GABRG2: variants seen among roughly 807,000 people sequenced by gnomAD.
GABRG2 encodes gamma-aminobutyric acid type A receptor subunit gamma2.
Under a neutral mutation model 56.4 loss-of-function variants are expected in GABRG2, and 16 were observed. That is an observed-to-expected ratio of 0.28 (90% CI 0.19 to 0.43). The LOEUF is 0.43. GABRG2 is among the 20% of genes least tolerant of loss of function. GABRG2 has a pLI of 1.00. For synonymous variants in GABRG2, 208 were observed against 205.5 expected (o/e 1.01, Z -0.10); for missense variants, 327 against 582.7 (o/e 0.56, Z 4.52).
At chr5:162,088,690 G>T (rs952853710) in intron 1 of GABRG2, among the ~76,000 whole-genome samples, 1 of 152,002 alleles carries the variant, frequency 6.6e-6, no homozygotes, top group African/African-American at 2.4e-5. Context: ...TAGATTCTTT[G>T]GTCCTAATTT....
At position 162,125,918 on chromosome 5, in the gene GABRG2, C is replaced by T. The variant is rs1167744771; in HGVS notation, c.770-16246C>T. Among the ~76,000 whole-genome samples, 3 of 151,740 alleles carry T rather than the reference C, an allele frequency of 2.0e-5. No individual in the cohort carries two copies. In the East Asian group the frequency reaches 5.8e-4, roughly 29 times the overall value. ...TGGAAACAAATAAGAGATGTTGTTC[C>T]ATAGTAAGATTCATGAAATAGATAT... On this transcript the variant is annotated intron_variant, in intron 6 of 9. Transcript: ENST00000639213.
intron 1 of GABRG2, among the ~76,000 whole-genome samples, chr5:162,087,923 CA>C (rs559697166): frequency 2.0e-5 from 3 of 151,842 alleles, no homozygotes; most frequent in Non-Finnish European, 4.4e-5. Context: ...AGCCTAATAT[CA>C]AAAAAAATTA....
intron 1 of GABRG2, among the ~76,000 whole-genome samples, chr5:162,090,206 C>G (rs1760448963): frequency 6.6e-6 from 1 of 151,884 alleles, no homozygotes; most frequent in Non-Finnish European, 1.5e-5. Context: ...AGATCTAAAG[C>G]AGGAACGTGA....
chr5:162,151,138 G>A (rs370077308), intron 8 of GABRG2: 1 of 152,964 alleles, frequency 6.5e-6, no homozygotes, highest in African/African-American at 2.4e-5. Context: ...AGTAGATTTT[G>A]TTGCAAAGAT....
At chr5:162,099,539 G>A (rs1460117333) in intron 4 of GABRG2, 1 of 152,150 alleles carries the variant, frequency 6.6e-6, no homozygotes, top group Non-Finnish European at 1.5e-5. Flanking sequence ...CAAAGTCTGG[G>A]GATTATAGGC....
chr5:162,124,936 C>T (rs900230451), intron 6 of GABRG2, among the ~76,000 whole-genome samples: 5 of 147,796 alleles, frequency 3.4e-5, no homozygotes, highest in Non-Finnish European at 7.5e-5. Flanking sequence ...GCAGTTTTTG[C>T]TGTTCTTTCT....
At chr5:162,097,398 A>G (rs775088913) in intron 3 of GABRG2, among the ~76,000 whole-genome samples, 7 of 152,158 alleles carry the variant, frequency 4.6e-5, no homozygotes, top group Non-Finnish European at 8.8e-5. Context: ...TATCAAGGCT[A>G]TCCTCTTTTG....
rs1250427698 is a variant in GABRG2, at chr5:162,106,398, G to A, written c.769+2372G>A. ...GTACTATTTCAACGGGCTCGGTGAC[G>A]AGAAAGGGCTGAATTGAACATTAGT... On this transcript the variant is annotated intron_variant, in intron 6 of 9. Transcript: ENST00000639213. Among the ~76,000 whole-genome samples, 4 of 152,130 alleles carry A rather than the reference G, an allele frequency of 2.6e-5. No homozygotes were observed. In the South Asian group the frequency reaches 8.3e-4, roughly 32 times the overall value.
At chr5:162,127,961 C>T (rs997955004) in intron 6 of GABRG2, among the ~76,000 whole-genome samples, 1 of 151,958 alleles carries the variant, frequency 6.6e-6, no homozygotes, top group African/African-American at 2.4e-5. Flanking sequence ...CTGTCAGGTG[C>T]CCTGTGTGAA....
At chr5:162,124,519 G>A (rs544721907) in intron 6 of GABRG2, among the ~76,000 whole-genome samples, 17 of 151,754 alleles carry the variant, frequency 1.1e-4, no homozygotes, top group Admixed American at 2.6e-4. Context: ...GAAGGAATGC[G>A]GCAATGCACA....
Position 162,103,947 on chromosome 5 carries a change from C to A in GABRG2, c.690C>A (p.Gly230=), listed in dbSNP as rs747988447. The part of the protein sequence containing the change: ...YQWKRSSVEV[G]DTRSWRLYQF... ...GGAAGCGAAGTTCTGTTGAAGTGGG[C>A]GACACAAGATCCTGGAGGCTTTATC... is the stretch of plus-strand genomic sequence containing the variant. The change falls in exon 6 of 10, where the codon GGC becomes GGA. Residue 230 remains glycine, a synonymous_variant. Transcript: ENST00000639213. 11 of 1,613,654 alleles carry A rather than the reference C, an allele frequency of 6.8e-6. No individual in the cohort carries two copies. Among genetic ancestry groups the A allele is most frequent in the East Asian group, 4.5e-5 (2 of 44,822 alleles).
chr5:162,149,544 GCT>G (rs1454576289), intron 8 of GABRG2: 1 of 758,760 alleles, frequency 1.3e-6, no homozygotes, highest in Non-Finnish European at 2.4e-6. Context: ...ATAATTACCT[GCT>G]CTCTTTATTT....
At chr5:162,140,028 G>A (rs1413663027) in intron 6 of GABRG2, among the ~76,000 whole-genome samples, 1 of 152,044 alleles carries the variant, frequency 6.6e-6, no homozygotes, top group Non-Finnish European at 1.5e-5. Flanking sequence ...TTCTAAATTA[G>A]GACAAAAGCA....
intron 6 of GABRG2, among the ~76,000 whole-genome samples, chr5:162,139,393 G>A (rs1477888584): frequency 6.6e-6 from 1 of 152,204 alleles, no homozygotes; most frequent in Non-Finnish European, 1.5e-5. Context: ...CGTGGCCTTG[G>A]AGATATGACA....
Position 162,152,015 on chromosome 5 carries a change from G to C in GABRG2, c.1152+262G>C, listed in dbSNP as rs563441434. 162 of 370,700 alleles carry C rather than the reference G, an allele frequency of 4.4e-4. 1 individual carries two copies. In the Middle Eastern group the frequency reaches 6.7e-3, roughly 15 times the overall value. The allele number at this position is 370,700 out of a possible 1,614,324, so 23.0% of individuals were successfully genotyped here. A position where few individuals can be genotyped will look rare whatever the true frequency, so the allele number is the denominator to read the frequency against. The stretch of plus-strand genomic sequence containing the variant: ...AAAGAAGGCTGCTTTATCCATCAAA[G>C]CCAAAATGAGCTTCCTCTTTTCAGA... On this transcript the variant is annotated intron_variant, in intron 9 of 9. Transcript: ENST00000639213.
chr5:162,123,161 T>C, intron 6 of GABRG2, among the ~76,000 whole-genome samples: 2 of 151,842 alleles, frequency 1.3e-5, no homozygotes, highest in South Asian at 4.1e-4. Flanking sequence ...AGTTAACTAA[T>C]CATATCTGAG....
intron 6 of GABRG2, among the ~76,000 whole-genome samples, chr5:162,127,808 C>T (rs769785671): frequency 2.0e-5 from 3 of 151,988 alleles, no homozygotes; most frequent in Admixed American, 6.6e-5. Flanking sequence ...TGAGCATAGA[C>T]GTGAGGAAAC....
intron 8 of GABRG2, chr5:162,149,850 G>C: frequency 2.1e-5 from 7 of 327,534 alleles, no homozygotes; most frequent in Non-Finnish European, 4.2e-5. Context: ...CTGACCTCAG[G>C]TGATCCACCT....
At chr5:162,111,409 T>C (rs1404133164) in intron 6 of GABRG2, among the ~76,000 whole-genome samples, 1 of 152,126 alleles carries the variant, frequency 6.6e-6, no homozygotes, top group East Asian at 1.9e-4. Context: ...AGCAGGGAGA[T>C]AGTTTTTAAG....
Sources: allele counts gnomAD v4.1 joint callset (sites outside exome capture counted in the v4.1 genomes callset), GRCh38; gene constraint gnomAD v4.1.1; transcripts MANE v1.5; gene names NCBI Gene and HGNC (gene_info 2026-07-23, HGNC 2026-07-21).